Variants in DNAH11 observed in about 807,000 individuals in gnomAD.
DNAH11 encodes the protein axonemal beta dynein heavy chain 11.
In DNAH11, 442 loss-of-function variants were observed where a neutral mutation model predicts 526.0. The ratio of observed to expected loss-of-function variants is 0.84; its 90% confidence interval spans 0.78 to 0.91. DNAH11 has a LOEUF of 0.91. Ranked by LOEUF, DNAH11 falls within the 40% of genes least tolerant of loss-of-function variation. The pLI, the probability that DNAH11 is intolerant of heterozygous loss-of-function variation, is 0.00. For missense variants in DNAH11, 6,989 were observed against 5,448.7 expected (o/e 1.28, Z -8.90); for synonymous variants, 2,461 against 1,935.9 (o/e 1.27, Z -7.12).
chr7:21,868,103 TC>T lies in DNAH11; in HGVS notation c.11839+97del, dbSNP rs757691160. On this transcript the variant is annotated intron_variant, in intron 72 of 81. Coordinates refer to ENST00000409508, the MANE Select transcript of DNAH11 (RefSeq NM_001277115.2). ...TTTTCAGTTCACAGTGATCTTAGTT[TC>T]TTTTTTTTTTTTTTTTAATTTGTTG... 3.3e-4 allele frequency: 324 copies of T among 971,396 alleles called. 1 individual carries two copies. The East Asian group carries it at 7.3e-3, about 22-fold the overall frequency. 60.2% of individuals were successfully genotyped at this position (971,396 alleles called of 1,614,324 possible).
chr7:21,625,506 T>G (rs1263168059), intron 25 of DNAH11, among the ~76,000 whole-genome samples: 1 of 152,162 alleles, frequency 6.6e-6, no homozygotes, highest in East Asian at 1.9e-4. Flanking sequence ...TTTCATCAAT[T>G]ACTGCTCTGA....
At chr7:21,694,970 A>G (rs977383007) in intron 35 of DNAH11, among the ~76,000 whole-genome samples, 1 of 152,096 alleles carries the variant, frequency 6.6e-6, no homozygotes, top group African/African-American at 2.4e-5. Context: ...ACTTTTTTTC[A>G]TAAGTTTGAA....
chr7:21,842,252 T>C lies in DNAH11; in HGVS notation c.10692-292T>C, dbSNP rs150719552. On this transcript the variant is annotated intron_variant, in intron 65 of 81. Transcript: ENST00000409508. ...CTTACTGTATAATAATAAAAGCTAA[T>C]ATTTGTTGTTATAGGTCTTTTATAT... Among the ~76,000 whole-genome samples the C allele has an allele frequency of 4.0e-3, 612 of 152,300 alleles. 5 individuals carry two copies. The highest frequency in any genetic ancestry group is 0.014 in the African/African-American group (577 of 41,574).
intron 28 of DNAH11, among the ~76,000 whole-genome samples, chr7:21,654,676 G>A (rs932118645): frequency 7.9e-5 from 12 of 152,116 alleles, no homozygotes; most frequent in Admixed American, 7.9e-4. Flanking sequence ...TTTCCACTTA[G>A]CGGCTTTTAT....
intron 31 of DNAH11, among the ~76,000 whole-genome samples, chr7:21,683,121 A>G (rs2128472829): frequency 6.6e-6 from 1 of 152,298 alleles, no homozygotes; most frequent in East Asian, 1.9e-4. Flanking sequence ...CAACCATCTA[A>G]TATACGTGAA....
intron 45 of DNAH11, among the ~76,000 whole-genome samples, chr7:21,729,453 C>T (rs1346678386): frequency 6.6e-6 from 1 of 152,154 alleles, no homozygotes; most frequent in Non-Finnish European, 1.5e-5. Context: ...CTGAGAATTT[C>T]CCAAATCTTT....
At chr7:21,698,046 T>G (rs749616255) in intron 35 of DNAH11, 29 bp from the exon 36 acceptor site, 5 of 1,586,150 alleles carry the variant, frequency 3.2e-6, no homozygotes, top group Non-Finnish European at 4.3e-6. Context: ...TGTCACATTT[T>G]AAAACTAAAA....
intron 20 of DNAH11, among the ~76,000 whole-genome samples, chr7:21,610,624 C>T (rs1028576634): frequency 3.3e-5 from 5 of 151,702 alleles, no homozygotes; most frequent in African/African-American, 9.7e-5. Context: ...AAAAAATGAG[C>T]AAGTTCTCAG....
chr7:21,797,895 C>G (rs909575506), intron 61 of DNAH11, among the ~76,000 whole-genome samples: 20 of 152,220 alleles, frequency 1.3e-4, no homozygotes, highest in African/African-American at 4.6e-4. Context: ...GCACACCAAG[C>G]TAACTTACCA....
intron 61 of DNAH11, among the ~76,000 whole-genome samples, chr7:21,789,807 T>TG (rs1270262024): frequency 1.7e-3 from 119 of 68,196 alleles, no homozygotes; most frequent in Middle Eastern, 0.013. Flanking sequence ...CTTTCTTTCT[T>TG]TTTTCTTTCT....
chr7:21,721,132 CT>C (rs1309057771), intron 44 of DNAH11, among the ~76,000 whole-genome samples: 2 of 152,180 alleles, frequency 1.3e-5, no homozygotes, highest in Non-Finnish European at 2.9e-5. Flanking sequence ...CTTCAGCATG[CT>C]GTTCTACAAG....
intron 54 of DNAH11, among the ~76,000 whole-genome samples, chr7:21,754,529 G>A (rs1414216817): frequency 6.6e-6 from 1 of 151,824 alleles, no homozygotes; most frequent in African/African-American, 2.4e-5. Flanking sequence ...CTCAATACAA[G>A]ATGGAATTTA....
At chr7:21,599,633 A>C (rs1229052900) in intron 14 of DNAH11, among the ~76,000 whole-genome samples, 154 bp from the exon 15 acceptor site, 3 of 152,246 alleles carry the variant, frequency 2.0e-5, no homozygotes, top group Non-Finnish European at 4.4e-5. Flanking sequence ...GATCTTTGAC[A>C]TCTAGCTTAA....
At position 21,576,539 on chromosome 7, in the gene DNAH11, A is replaced by G. The variant is rs377349267; in HGVS notation, c.1593+4566A>G. On this transcript the variant is annotated intron_variant, in intron 8 of 81. Transcript: ENST00000409508. ...TTTCTAGGGCTTAAGCCAAGACCCT[A>G]TCAAGCAAGTAAGTGGGAGATTGTG... Among the ~76,000 whole-genome samples, 17 of 152,350 alleles carry G rather than the reference A, an allele frequency of 1.1e-4. No homozygotes were observed. In the East Asian group the frequency reaches 2.1e-3, roughly 19 times the overall value.
intron 28 of DNAH11, among the ~76,000 whole-genome samples, chr7:21,642,096 GGT>G (rs1787156441): frequency 6.6e-6 from 1 of 151,892 alleles, no homozygotes; most frequent in African/African-American, 2.4e-5. Context: ...GATTTGAAGT[GGT>G]TACATATATT....
intron 73 of DNAH11, among the ~76,000 whole-genome samples, chr7:21,872,038 A>G (rs11767041): frequency 0.57 from 83,897 of 147,670 alleles, 27,193 homozygotes; most frequent in Non-Finnish European, 0.74. Context: ...GCAGGAGAAT[A>G]GTGTGAACCC....
intron 30 of DNAH11, among the ~76,000 whole-genome samples, chr7:21,673,605 G>A (rs1782730711): frequency 1.3e-5 from 2 of 152,106 alleles, no homozygotes; most frequent in Admixed American, 6.6e-5. Context: ...AGGCTGCCCT[G>A]ACTTTCTTTC....
Position 21,637,447 on chromosome 7 carries a change from A to T in DNAH11, c.4726-164A>T, listed in dbSNP as rs72657325. 0.03 allele frequency among the ~76,000 whole-genome samples: 4,562 copies of T among 152,340 alleles called. 181 individuals are homozygous for T. The highest frequency in any genetic ancestry group is 0.081 in the African/African-American group (3,378 of 41,562). On this transcript the variant is annotated intron_variant, in intron 26 of 81. Coordinates refer to ENST00000409508, the MANE Select transcript of DNAH11 (RefSeq NM_001277115.2). ...ACATTGCTTTTGATCTTCATCTAAG[A>T]GTTGAAAAGCAAAAGTAAACAGATG...
At chr7:21,607,936 C>CAAAAAAAAAAAAAAAAAAAAAAAAA in intron 20 of DNAH11, among the ~76,000 whole-genome samples, 1 of 68,628 alleles carries the variant, frequency 1.5e-5, no homozygotes, top group Non-Finnish European at 2.5e-5. Context: ...GACTTCATCT[C>CAAAAAAAAAAAAAAAAAAAAAAAAA]AAAAAAAAAA....
Sources: allele counts gnomAD v4.1 joint callset (sites outside exome capture counted in the v4.1 genomes callset), GRCh38; gene constraint gnomAD v4.1.1; transcripts MANE v1.5; gene names NCBI Gene and HGNC (gene_info 2026-07-23, HGNC 2026-07-21).